ROBO1: variants seen among roughly 807,000 people sequenced by gnomAD.
The protein encoded by ROBO1 is roundabout guidance receptor 1.
In ROBO1, 149 loss-of-function variants were observed where a neutral mutation model predicts 195.9. The observed-to-expected ratio is 0.76, with a 90% CI of 0.67 to 0.87. The LOEUF (loss-of-function observed/expected upper bound fraction) is 0.87. ROBO1 is among the 40% of genes least tolerant of loss of function. The pLI, the probability that ROBO1 is intolerant of heterozygous loss-of-function variation, is 0.00. For missense variants in ROBO1, 1,933 were observed against 2,068.3 expected, an observed-to-expected ratio of 0.93 and a Z score of 1.27; for synonymous variants, 816 against 733.2, an observed-to-expected ratio of 1.11 and a Z score of -1.82.
rs1046718322 is a variant in ROBO1, at chr3:79,749,123, G to A, written c.-51+18629C>T. 2.0e-5 allele frequency among the ~76,000 whole-genome samples: 3 copies of A among 152,254 alleles called. No homozygotes were observed. The South Asian group carries it at 6.2e-4, about 32-fold the overall frequency. On this transcript the variant is annotated intron_variant, in intron 1 of 30. Transcript: ENST00000464233. ...TAGTGGTACAGACAGTGAAATCCAG[G>A]CTAAGGTGTTCTCAGATGGAGATGA...
chr3:79,640,011 A>T (rs1177373932), intron 1 of ROBO1, among the ~76,000 whole-genome samples: 1 of 152,148 alleles, frequency 6.6e-6, no homozygotes, highest in African/African-American at 2.4e-5. Context: ...TCTTTTCTTC[A>T]TCATCCAGGG....
intron 24 of ROBO1, 104 bp from the exon 25 acceptor site, chr3:78,631,409 A>T: frequency 2.4e-6 from 3 of 1,253,780 alleles, no homozygotes; most frequent in Non-Finnish European, 3.3e-6. Flanking sequence ...TAATTCATTT[A>T]TATATACAGA....
chr3:79,696,879 A>G (rs990781616), intron 1 of ROBO1, among the ~76,000 whole-genome samples: 4 of 151,500 alleles, frequency 2.6e-5, no homozygotes, highest in Non-Finnish European at 5.9e-5. Flanking sequence ...AAGTTGATCC[A>G]ATTTTCTTTT....
intron 4 of ROBO1, among the ~76,000 whole-genome samples, chr3:78,797,524 T>A (rs2084221023): frequency 6.6e-6 from 1 of 152,204 alleles, no homozygotes; most frequent in South Asian, 2.1e-4. Flanking sequence ...TCCAGCCTGC[T>A]TCTGAGACAT....
chr3:79,016,646 C>G (rs1299863048), intron 3 of ROBO1, among the ~76,000 whole-genome samples: 1 of 152,094 alleles, frequency 6.6e-6, no homozygotes, highest in African/African-American at 2.4e-5. Context: ...TTAATGTGAC[C>G]CTATCTTTAA....
chr3:78,938,462 G>T, intron 4 of ROBO1, 139 bp downstream of exon 4: 1 of 658,888 alleles, frequency 1.5e-6, no homozygotes, highest in Non-Finnish European at 2.5e-6. Context: ...CGAAATAGTA[G>T]ATTGTATTCA....
intron 4 of ROBO1, among the ~76,000 whole-genome samples, chr3:78,912,708 T>G (rs1336702726): frequency 6.6e-6 from 1 of 152,134 alleles, no homozygotes; most frequent in Non-Finnish European, 1.5e-5. Flanking sequence ...TGTGAGTTTA[T>G]TTTCAAAGCC....
At chr3:78,609,093 G>T (rs983144306) in intron 28 of ROBO1, among the ~76,000 whole-genome samples, 1 of 151,998 alleles carries the variant, frequency 6.6e-6, no homozygotes, top group Non-Finnish European at 1.5e-5. Context: ...AAATGGTAAC[G>T]TTTTCACATT....
At position 79,463,152 on chromosome 3, in the gene ROBO1, T is replaced by C. The variant is rs62257571; in HGVS notation, c.88+126672A>G. ...ACTTTGGGAAGCTGAGGTGGGCGGA[T>C]TGCGAGGTCAGGAGATCAAGACCAT... On this transcript the variant is annotated intron_variant, in intron 2 of 30. Coordinates refer to ENST00000464233, the MANE Select transcript of ROBO1 (RefSeq NM_002941.4). 9.3e-3 allele frequency among the ~76,000 whole-genome samples: 1,414 copies of C among 152,168 alleles called. 12 individuals are homozygous for C. Among genetic ancestry groups the C allele is most frequent in the Non-Finnish European group, 0.016 (1,087 of 68,008 alleles).
chr3:78,704,440 CCTT>C (rs963200059), intron 8 of ROBO1, among the ~76,000 whole-genome samples: 8 of 151,972 alleles, frequency 5.3e-5, no homozygotes, highest in Non-Finnish European at 8.8e-5. Context: ...ACAAAGTAGG[CCTT>C]CTTTCCTCCA....
chr3:78,990,427 G>A (rs1018515421), intron 3 of ROBO1, among the ~76,000 whole-genome samples: 2 of 152,020 alleles, frequency 1.3e-5, no homozygotes, highest in African/African-American at 4.8e-5. Context: ...AGTTTTCCTT[G>A]TTAGCTAATT....
At chr3:79,137,219 T>C (rs948288480) in intron 2 of ROBO1, among the ~76,000 whole-genome samples, 1 of 152,042 alleles carries the variant, frequency 6.6e-6, no homozygotes, top group Non-Finnish European at 1.5e-5. Context: ...AAACAAAATG[T>C]TTAGTGACTG....
chr3:79,488,311 A>T lies in ROBO1; in HGVS notation c.88+101513T>A, dbSNP rs73848891. Among the ~76,000 whole-genome samples the T allele has an allele frequency of 1.1e-3, 165 of 152,050 alleles. 2 individuals carry two copies. Among genetic ancestry groups the T allele is most frequent in the Middle Eastern group, 3.4e-3 (1 of 294 alleles). On this transcript the variant is annotated intron_variant, in intron 2 of 30. Coordinates refer to ENST00000464233, the MANE Select transcript of ROBO1 (RefSeq NM_002941.4). Reference sequence around the variant, plus strand: ...CGTTTGCCCAACAAATGGAGGGGGAATTTTTTTTCTTCAAAATATCATCAG... The same window carrying T: ...CGTTTGCCCAACAAATGGAGGGGGATTTTTTTTTCTTCAAAATATCATCAG...
intron 1 of ROBO1, among the ~76,000 whole-genome samples, chr3:79,748,372 A>C (rs917698943): frequency 1.3e-5 from 2 of 152,196 alleles, no homozygotes; most frequent in African/African-American, 4.8e-5. Context: ...ACACAATTTT[A>C]TTACCTATGT....
chr3:79,086,742 T>G (rs566894567), intron 3 of ROBO1, among the ~76,000 whole-genome samples: 1 of 152,286 alleles, frequency 6.6e-6, no homozygotes, highest in South Asian at 2.1e-4. Flanking sequence ...CCCCGCTTAC[T>G]AATATATATT....
At chr3:79,242,772 C>T (rs1012972044) in intron 2 of ROBO1, among the ~76,000 whole-genome samples, 8 of 152,046 alleles carry the variant, frequency 5.3e-5, no homozygotes, top group Admixed American at 2.0e-4. Context: ...ATAATAGAGA[C>T]GGTAATAGCT....
chr3:78,789,898 C>T (rs2083964594), intron 4 of ROBO1, among the ~76,000 whole-genome samples: 1 of 152,182 alleles, frequency 6.6e-6, no homozygotes, highest in Non-Finnish European at 1.5e-5. Flanking sequence ...TTGGATAATT[C>T]AGTCTCAAAC....
At position 78,688,716 on chromosome 3, in the gene ROBO1, C is replaced by T. The variant is rs752990735; in HGVS notation, c.1102G>A (p.Val368Ile). Residue 368 changes from valine (V) to isoleucine (I), a missense_variant, in exon 9 of 31, where the codon GTA becomes ATA. By Grantham distance (29) the Val-to-Ile change is conservative. This residue lies in a region of ROBO1 where 1,737 missense variants were observed against 1,882.5 expected (regional missense o/e 0.92). Coordinates refer to ENST00000464233, the MANE Select transcript of ROBO1 (RefSeq NM_002941.4). ...CCGGTTGCTTCACACTGAAAAGTTA[C>T]AGTCCGTCCCAAAGCAACAACCTGG... The part of the protein sequence containing the change: ...RDQVVALGRT[V>I]TFQCEATGNP... The T allele has an allele frequency of 8.7e-6, 14 of 1,608,750 alleles. No individual in the cohort carries two copies. The African/African-American group carries it at 1.3e-4, about 15-fold the overall frequency.
At chr3:79,759,277 C>T (rs1292663636) in intron 1 of ROBO1, among the ~76,000 whole-genome samples, 1 of 152,084 alleles carries the variant, frequency 6.6e-6, no homozygotes, top group Admixed American at 6.6e-5. Flanking sequence ...GGAATAATTT[C>T]CTTTCGAAAC....
Sources: allele counts gnomAD v4.1 joint callset (sites outside exome capture counted in the v4.1 genomes callset), GRCh38; gene constraint gnomAD v4.1.1; regional missense constraint gnomAD v4.1.1; transcripts MANE v1.5; gene names NCBI Gene and HGNC (gene_info 2026-07-23, HGNC 2026-07-21).